Variants in SPHKAP observed in about 807,000 individuals in gnomAD.
The protein encoded by SPHKAP is A-kinase anchor protein SPHKAP.
Under a neutral mutation model 137.5 loss-of-function variants are expected in SPHKAP, and 67 were observed. That is an observed-to-expected ratio of 0.49 (90% CI 0.40 to 0.60). SPHKAP has a LOEUF of 0.60. Among genes scored for constraint, SPHKAP ranks in the 20% least tolerant of loss-of-function variants. SPHKAP has a pLI of 0.00. For synonymous variants in SPHKAP, 813 were observed against 785.3 expected (o/e 1.04, Z -0.59); for missense variants, 2,097 against 2,069.3 (o/e 1.01, Z -0.26).
At chr2:228,044,737 A>C (rs1695972496) in intron 3 of SPHKAP, among the ~76,000 whole-genome samples, 1 of 152,234 alleles carries the variant, frequency 6.6e-6, no homozygotes, top group Non-Finnish European at 1.5e-5. Context: ...GATAACAACT[A>C]GTTTTTCATA....
chr2:228,027,011 C>T (rs1417299874), intron 4 of SPHKAP, among the ~76,000 whole-genome samples: 2 of 152,172 alleles, frequency 1.3e-5, no homozygotes, highest in African/African-American at 2.4e-5. Context: ...AATAGATCTT[C>T]AAGTCCTTGC....
chr2:228,001,498 T>A (rs1029371261), intron 7 of SPHKAP, among the ~76,000 whole-genome samples: 8 of 143,984 alleles, frequency 5.6e-5, no homozygotes, highest in Admixed American at 5.0e-4. Context: ...TATATATAAG[T>A]ATATATACGT....
At position 228,016,964 on chromosome 2, in the gene SPHKAP, C is replaced by G. The variant is rs551068400; in HGVS notation, c.3890G>C (p.Gly1297Ala). ...KSDSCLYRRG[G>A]TDHITNMLIH... Reference sequence around the variant, plus strand: ...TAACATGTTGGTGATGTGGTCAGTCCCACCTCTCCGATACAAGCAAGAGTC... The same window carrying G: ...TAACATGTTGGTGATGTGGTCAGTCGCACCTCTCCGATACAAGCAAGAGTC... Residue 1297 changes from glycine to alanine, a missense_variant, in exon 7 of 12, where the codon GGG (glycine) becomes GCG (alanine). Transcript: ENST00000392056. 11 of 1,614,074 alleles carry G rather than the reference C, an allele frequency of 6.8e-6. No individual in the cohort carries two copies. In the East Asian group the frequency reaches 2.2e-4, roughly 33 times the overall value.
chr2:228,035,522 A>G (rs2106247760), intron 3 of SPHKAP, among the ~76,000 whole-genome samples: 2 of 152,270 alleles, frequency 1.3e-5, no homozygotes, highest in African/African-American at 4.8e-5. Flanking sequence ...ACAGAATTGG[A>G]AAAAACTACT....
chr2:228,082,761 C>T (rs1303254250), intron 3 of SPHKAP, among the ~76,000 whole-genome samples: 2 of 152,202 alleles, frequency 1.3e-5, no homozygotes, highest in South Asian at 2.1e-4. Flanking sequence ...TCAAGTTAGC[C>T]TTCCCAGAAG....
chr2:228,056,187 G>A (rs1221158764), intron 3 of SPHKAP, among the ~76,000 whole-genome samples: 1 of 152,132 alleles, frequency 6.6e-6, no homozygotes, highest in Non-Finnish European at 1.5e-5. Flanking sequence ...AGAAACGGTT[G>A]TTTAATTATT....
intron 11 of SPHKAP, among the ~76,000 whole-genome samples, chr2:227,990,333 T>C (rs756505831): frequency 1.6e-4 from 25 of 152,336 alleles, no homozygotes; most frequent in Non-Finnish European, 2.9e-4. Context: ...TTATTATTAA[T>C]TTGAAATCTT....
intron 1 of SPHKAP, among the ~76,000 whole-genome samples, chr2:228,145,699 G>T: frequency 6.6e-6 from 1 of 152,084 alleles, no homozygotes; most frequent in East Asian, 1.9e-4. Flanking sequence ...AATAGAAGTA[G>T]TTTTATATCA....
At chr2:227,982,682 T>C (rs1439864844) in intron 11 of SPHKAP, among the ~76,000 whole-genome samples, 1 of 152,238 alleles carries the variant, frequency 6.6e-6, no homozygotes, top group Non-Finnish European at 1.5e-5. Flanking sequence ...CCTCATTCAA[T>C]TCTGTCACAA....
chr2:227,986,183 T>C (rs1693202952), intron 11 of SPHKAP, among the ~76,000 whole-genome samples: 1 of 152,236 alleles, frequency 6.6e-6, no homozygotes, highest in African/African-American at 2.4e-5. Context: ...CTTCTAATTT[T>C]CCCCTTCCTT....
chr2:228,020,976 G>A (rs1230749105), intron 6 of SPHKAP, among the ~76,000 whole-genome samples: 2 of 152,156 alleles, frequency 1.3e-5, no homozygotes, highest in African/African-American at 4.8e-5. Context: ...GGTACAGAAG[G>A]AGAAGGGAGG....
intron 7 of SPHKAP, chr2:227,995,974 A>C: frequency 2.0e-6 from 2 of 985,428 alleles, no homozygotes. Flanking sequence ...GCCTACACAC[A>C]AAAGAATTAT....
chr2:228,128,172 C>T (rs1699136728), intron 2 of SPHKAP, among the ~76,000 whole-genome samples: 1 of 152,202 alleles, frequency 6.6e-6, no homozygotes, highest in South Asian at 2.1e-4. Flanking sequence ...TATTCAATAG[C>T]ATTTCACCCA....
chr2:228,078,438 C>T lies in SPHKAP; in HGVS notation c.246+30394G>A, dbSNP rs1037835849. ...TAGTAAGTATTTTCAACATACACAC[C>T]GTAAGGCCTCTGGTGCATTTATTTA... On this transcript the variant is annotated intron_variant, in intron 3 of 11. Coordinates refer to ENST00000392056, the MANE Select transcript of SPHKAP (RefSeq NM_001142644.2). Among the ~76,000 whole-genome samples the T allele has an allele frequency of 3.3e-5, 5 of 150,490 alleles. No individual in the cohort carries two copies. The East Asian group carries it at 5.9e-4, about 18-fold the overall frequency.
Position 228,021,748 on chromosome 2 carries a change from G to A in SPHKAP, c.660C>T (p.His220=). 1 of 1,614,012 alleles carries A rather than the reference G, an allele frequency of 6.2e-7. No homozygotes were observed. The highest frequency in any genetic ancestry group is 1.3e-5 in the African/African-American group (1 of 75,040). Residue 220 remains histidine (H), a synonymous_variant, in exon 6 of 12, where the codon CAC becomes CAT. Transcript: ENST00000392056. ...CATCCACCTCGCTTTCCTCCTCCAA[G>A]TGCTCAGAAGCGGTGAGAAAGTCTT... ...IEEDFLTASE[H]LEEESEVDES...
intron 7 of SPHKAP, among the ~76,000 whole-genome samples, chr2:228,008,801 G>A (rs1022144800): frequency 6.6e-6 from 1 of 151,438 alleles, no homozygotes; most frequent in African/African-American, 2.4e-5. Flanking sequence ...CTCTATTTGT[G>A]GGTGTCTATT....
chr2:228,017,034 C>T lies in SPHKAP; in HGVS notation c.3820G>A (p.Val1274Met), dbSNP rs780573652. ...AQNCPQDFLS[V>M]QPVSSASSSG... ...GAGGACGCGCTACTGACCGGCTGCA[C>T]GCTTAGGAAATCTTGTGGGCAGTTC... Residue 1274 changes from valine (V) to methionine (M), a missense_variant, in exon 7 of 12, where the codon GTG becomes ATG. Coordinates refer to ENST00000392056, the MANE Select transcript of SPHKAP (RefSeq NM_001142644.2). 2.4e-5 allele frequency: 38 copies of T among 1,613,926 alleles called. No individual in the cohort carries two copies. Among genetic ancestry groups the T allele is most frequent in the South Asian group, 3.3e-5 (3 of 91,076 alleles).
At chr2:228,052,056 G>A (rs1022601513) in intron 3 of SPHKAP, among the ~76,000 whole-genome samples, 1 of 152,068 alleles carries the variant, frequency 6.6e-6, no homozygotes, top group Non-Finnish European at 1.5e-5. Context: ...GCTCCAATAA[G>A]TATTTTTCTC....
chr2:228,029,170 G>A (rs966111795), intron 3 of SPHKAP, among the ~76,000 whole-genome samples: 1 of 152,162 alleles, frequency 6.6e-6, no homozygotes, highest in East Asian at 1.9e-4. Context: ...CTAATACTTT[G>A]CTAGCAATCA....
Sources: gnomAD v4.1 joint callset for allele counts (sites outside exome capture counted in the v4.1 genomes callset) on GRCh38, gnomAD v4.1.1 for gene constraint, MANE v1.5 for transcripts, NCBI Gene and HGNC (gene_info 2026-07-23, HGNC 2026-07-21) for gene names.